Variants in ERVK3-1 observed in about 807,000 individuals in gnomAD.
ERVK3-1 encodes HERV-K(HML6-1).
At position 58,312,528 on chromosome 19, in the gene ERVK3-1, A is replaced by G. The variant is rs2051563112; in HGVS notation, c.294+66A>G. 1 of 399,436 alleles carries G rather than the reference A, an allele frequency of 2.5e-6. No homozygotes were observed. The highest frequency in any genetic ancestry group is 4.4e-6 in the Non-Finnish European group (1 of 226,066). 24.7% of individuals were successfully genotyped at this position (399,436 alleles called of 1,614,324 possible). ...ATGTTCCTAACCCACTGGTAGTACG[A>G]CTGGTACTCTGGAGCGACACTCCTC... is the stretch of plus-strand genomic sequence containing the variant. On this transcript the variant is annotated intron_variant, in intron 3 of 3. Coordinates refer to ENST00000413518, the Ensembl canonical transcript of ERVK3-1. This position sits in a 1 kb window ranked among gnomAD's most constrained non-coding sequence, Gnocchi z 4.7.
intron 2 of ERVK3-1, chr19:58,311,393 C>T (rs772364827): frequency 1.3e-5 from 2 of 152,226 alleles, no homozygotes; most frequent in Admixed American, 6.5e-5. Context: ...AATGATAGAG[C>T]AGATAAATTC....
downstream of ERVK3-1, among the ~76,000 whole-genome samples, chr19:58,316,496 C>T (rs2051593582): frequency 6.6e-6 from 1 of 152,150 alleles, no homozygotes; most frequent in Non-Finnish European, 1.5e-5. Flanking sequence ...ATGGTGAAAC[C>T]CTGTCTCTAC....
chr19:58,316,531 C>T (rs1370911888), downstream of ERVK3-1, among the ~76,000 whole-genome samples: 2 of 152,062 alleles, frequency 1.3e-5, no homozygotes, highest in African/African-American at 4.8e-5. Flanking sequence ...ATTAGCTGGG[C>T]GTGGTGATGC....
exon 4 of ERVK3-1, chr19:58,314,953 C>G (rs1251455431): frequency 2.3e-5 from 9 of 391,866 alleles, no homozygotes; most frequent in Admixed American, 4.4e-5. Flanking sequence ...CTGACAAACT[C>G]TGTCTGCCGC....
intron 2 of ERVK3-1, among the ~76,000 whole-genome samples, chr19:58,308,050 A>G (rs1046630211): frequency 6.6e-6 from 1 of 152,246 alleles, no homozygotes; most frequent in East Asian, 1.9e-4. Context: ...GACTCTGATT[A>G]TGAAGGAGAA....
Position 58,312,116 on chromosome 19 carries a change from TC to T in ERVK3-1, c.-3-48del. ...CCCCAGAAGAAGGACAATGGAAAGG[TC>T]CGGTGGATTTGCTGACGTGGGGACG... On this transcript the variant is annotated intron_variant, in intron 2 of 3. Transcript: ENST00000413518. The surrounding 1 kb of genome is among the most constrained non-coding windows in gnomAD (Gnocchi z 4.7). 3 of 399,816 alleles carry T rather than the reference TC, an allele frequency of 7.5e-6. No individual in the cohort carries two copies. The highest frequency in any genetic ancestry group is 1.3e-5 in the Non-Finnish European group (3 of 226,082). 24.8% of individuals were successfully genotyped at this position (399,816 alleles called of 1,614,324 possible). A position where few individuals can be genotyped will look rare whatever the true frequency, so the allele number is the denominator to read the frequency against.
chr19:58,307,869 G>C (rs1188737581), intron 2 of ERVK3-1, among the ~76,000 whole-genome samples: 1 of 152,214 alleles, frequency 6.6e-6, no homozygotes, highest in African/African-American at 2.4e-5. Context: ...GAACACCGGG[G>C]AGTGCAGGAT....
At chr19:58,306,240 G>T (rs1471398199) in intron 2 of ERVK3-1, 24 bp downstream of exon 2, 1 of 152,190 alleles carries the variant, frequency 6.6e-6, no homozygotes, top group Non-Finnish European at 1.5e-5. Flanking sequence ...GAAGGTATCG[G>T]GAGCGGGAGG....
intron 1 of ERVK3-1, 148 bp from the exon 2 acceptor site, chr19:58,305,940 C>T (rs998124229): frequency 1.3e-5 from 2 of 152,202 alleles, no homozygotes; most frequent in African/African-American, 4.8e-5. Context: ...CCCTTTCCTC[C>T]CTATTCAGTC....
At chr19:58,314,751 A>G (rs1473336165) in exon 4 of ERVK3-1, 2 of 399,672 alleles carry the variant, frequency 5.0e-6, no homozygotes, top group Non-Finnish European at 8.9e-6. Flanking sequence ...CTCATAGTCT[A>G]TAGGATCGGG....
In ERVK3-1 at chr19:58,312,412, A is replaced by G. The variant is rs1300708900; in HGVS notation, c.244A>G (p.Lys82Glu). 1 of 400,102 alleles carries G rather than the reference A, an allele frequency of 2.5e-6. No individual in the cohort carries two copies. The highest frequency in any genetic ancestry group is 4.4e-6 in the Non-Finnish European group (1 of 226,100). 24.8% of individuals were successfully genotyped at this position (400,102 alleles called of 1,614,324 possible). ...ACTACTGGAGCGCCAGGGTCAGGCA[A>G]AAACCCCTGACTCCATGTTCTTGGC... The change falls in exon 3 of 4, where the codon AAA becomes GAA. Residue 82 changes from lysine (K) to glutamate (E), a missense_variant. Transcript: ENST00000413518. The surrounding 1 kb of genome is among the most constrained non-coding windows in gnomAD (Gnocchi z 4.7).
intron 3 of ERVK3-1, 66 bp from the exon 4 acceptor site, chr19:58,314,682 C>T: frequency 4.7e-6 from 1 of 212,378 alleles, no homozygotes. Flanking sequence ...TTAAACATAA[C>T]TTCAATGTCT....
rs967873376 is a variant in ERVK3-1, at chr19:58,312,678, C to T, written c.294+216C>T. On this transcript the variant is annotated intron_variant, in intron 3 of 3. Coordinates refer to ENST00000413518, the Ensembl canonical transcript of ERVK3-1. This position sits in a 1 kb window ranked among gnomAD's most constrained non-coding sequence, Gnocchi z 4.7. ...CCTTTATGTATCACCATGGATACGT[C>T]ACTCAACTGCAGCTGTCTTGCAGTC... is the stretch of plus-strand genomic sequence containing the variant. Among the ~76,000 whole-genome samples, 1 of 152,182 alleles carries T rather than the reference C, an allele frequency of 6.6e-6. No homozygotes were observed. The highest frequency in any genetic ancestry group is 2.1e-4 in the South Asian group (1 of 4,830).
intron 2 of ERVK3-1, chr19:58,309,044 CAAG>C (rs1324777001): frequency 1.3e-5 from 2 of 152,182 alleles, no homozygotes; most frequent in Admixed American, 6.5e-5. Context: ...TACCATTACA[CAAG>C]AAGGACAAGC....
exon 4 of ERVK3-1, chr19:58,315,353 A>G (rs887926475): frequency 6.6e-6 from 1 of 152,142 alleles, no homozygotes; most frequent in South Asian, 2.1e-4. Flanking sequence ...ATCACTGCCT[A>G]TTCGCTCTTC....
chr19:58,308,094 G>T (rs556879396), intron 2 of ERVK3-1, among the ~76,000 whole-genome samples: 35 of 152,286 alleles, frequency 2.3e-4, no homozygotes, highest in Non-Finnish European at 4.3e-4. Context: ...AGATCTTTGG[G>T]TTTTTAAACC....
intron 2 of ERVK3-1, chr19:58,306,470 A>G (rs1357275641): frequency 6.6e-6 from 1 of 152,270 alleles, no homozygotes; most frequent in Non-Finnish European, 1.5e-5. Context: ...CGAGCTCATC[A>G]GAAAGTTCTT....
chr19:58,306,100 C>CA (rs2051521667), exon 2 of ERVK3-1: 1 of 152,230 alleles, frequency 6.6e-6, no homozygotes. Flanking sequence ...GCAACCGTGA[C>CA]AAGTGGTGCC....
intron 3 of ERVK3-1, 122 bp from the exon 4 acceptor site, chr19:58,314,626 C>CAAAAA (rs58275693): frequency 1.5e-4 from 9 of 58,960 alleles, no homozygotes; most frequent in Non-Finnish European, 1.8e-4. Flanking sequence ...GACTCCATCT[C>CAAAAA]AAAAAAAAAA....
Sources: gnomAD v4.1 joint callset for allele counts (sites outside exome capture counted in the v4.1 genomes callset) on GRCh38, gnomAD v4.1.1 for gene constraint, Gnocchi (gnomAD v3.1) non-coding constraint, MANE v1.5 for transcripts, NCBI Gene and HGNC (gene_info 2026-07-23, HGNC 2026-07-21) for gene names.